UBL3: variants seen among roughly 807,000 people sequenced by gnomAD.
UBL3 encodes ubiquitin-like protein 3.
UBL3 carries 6 observed loss-of-function variants against 18.4 expected under a neutral mutation model. The ratio of observed to expected loss-of-function variants is 0.33; its 90% CI spans 0.18 to 0.64. The LOEUF is 0.64. UBL3 is among the 30% of genes least tolerant of loss of function. The pLI, the probability that UBL3 is intolerant of heterozygous loss-of-function variation, is 0.76. For missense variants in UBL3, 109 were observed against 142.9 expected, an observed-to-expected ratio of 0.76 and a Z score of 1.21; for synonymous variants, 49 against 46.6, an observed-to-expected ratio of 1.05 and a Z score of -0.21.
intron 1 of UBL3, among the ~76,000 whole-genome samples, chr13:29,837,718 C>T (rs1261843968): frequency 6.6e-6 from 1 of 151,884 alleles, no homozygotes; most frequent in Non-Finnish European, 1.5e-5. Context: ...TCACTTGAGG[C>T]CAGGAGTTTG....
intron 2 of UBL3, among the ~76,000 whole-genome samples, chr13:29,776,639 G>A (rs578182194): frequency 8.6e-4 from 130 of 151,966 alleles, no homozygotes; most frequent in African/African-American, 3.1e-3. Context: ...TTGGGAGGCC[G>A]AGGTGGGTGG....
intron 1 of UBL3, among the ~76,000 whole-genome samples, chr13:29,788,615 T>C (rs1313757452): frequency 1.3e-5 from 2 of 152,194 alleles, no homozygotes. Context: ...GCTTGTTTTC[T>C]CTTAGGATTT....
intron 1 of UBL3, among the ~76,000 whole-genome samples, chr13:29,795,252 C>G (rs1275831100): frequency 6.6e-6 from 1 of 152,030 alleles, no homozygotes; most frequent in African/African-American, 2.4e-5. Context: ...GTCCTAAAGG[C>G]TTAACTTGTA....
chr13:29,831,763 G>T (rs1286966126), intron 1 of UBL3, among the ~76,000 whole-genome samples: 1 of 150,808 alleles, frequency 6.6e-6, no homozygotes, highest in Non-Finnish European at 1.5e-5. Flanking sequence ...ATCACAAAAA[G>T]TAAAACAAAA....
At chr13:29,811,654 G>T (rs1474786886) in intron 1 of UBL3, among the ~76,000 whole-genome samples, 1 of 152,048 alleles carries the variant, frequency 6.6e-6, no homozygotes, top group African/African-American at 2.4e-5. Flanking sequence ...CAGCTATCTT[G>T]AAAGTACTGA....
At chr13:29,774,582 A>C (rs1876931616) in intron 2 of UBL3, among the ~76,000 whole-genome samples, 1 of 152,158 alleles carries the variant, frequency 6.6e-6, no homozygotes, top group African/African-American at 2.4e-5. Flanking sequence ...TCTTAGCTAT[A>C]ACCTTTATAG....
chr13:29,776,308 G>A (rs1876991157), intron 2 of UBL3, among the ~76,000 whole-genome samples: 1 of 136,318 alleles, frequency 7.3e-6, no homozygotes, highest in East Asian at 2.1e-4. Context: ...TGTTGCTCAG[G>A]CAGGAATGTA....
At chr13:29,770,491 A>C (rs1354695965) in intron 3 of UBL3, among the ~76,000 whole-genome samples, 1 of 152,108 alleles carries the variant, frequency 6.6e-6, no homozygotes, top group South Asian at 2.1e-4. Flanking sequence ...ATTTTAACAC[A>C]AATTCTATGA....
chr13:29,789,532 AAATGTGTG>A (rs983194135), intron 1 of UBL3, among the ~76,000 whole-genome samples: 5 of 152,266 alleles, frequency 3.3e-5, no homozygotes, highest in African/African-American at 1.2e-4. Flanking sequence ...CTGAACACAC[AAATGTGTG>A]TTAAAAAGGC....
chr13:29,776,493 C>T (rs1282301593), intron 2 of UBL3, among the ~76,000 whole-genome samples: 1 of 151,950 alleles, frequency 6.6e-6, no homozygotes, highest in Non-Finnish European at 1.5e-5. Context: ...ACACTCCTAG[C>T]TTCAAGCAAT....
chr13:29,828,076 T>A (rs1198010334), intron 1 of UBL3, among the ~76,000 whole-genome samples: 4 of 152,224 alleles, frequency 2.6e-5, no homozygotes, highest in Non-Finnish European at 5.9e-5. Flanking sequence ...CTTCCCTTTG[T>A]GGGTAACCCG....
At chr13:29,781,114 G>A (rs1877163741) in intron 1 of UBL3, among the ~76,000 whole-genome samples, 2 of 152,192 alleles carry the variant, frequency 1.3e-5, no homozygotes, top group South Asian at 4.2e-4. Context: ...GGCAGAGGTT[G>A]CAGTGAGCCG....
chr13:29,842,820 AG>A (rs1262292738), intron 1 of UBL3, among the ~76,000 whole-genome samples: 2 of 152,238 alleles, frequency 1.3e-5, no homozygotes, highest in African/African-American at 4.8e-5. Flanking sequence ...CCAGAAAATT[AG>A]CCCTCCTAAA....
intron 3 of UBL3, among the ~76,000 whole-genome samples, chr13:29,770,696 T>C (rs1169832631): frequency 1.3e-5 from 2 of 151,960 alleles, no homozygotes; most frequent in African/African-American, 2.4e-5. Context: ...GTATGAGCCA[T>C]GGAGAATTTT....
At chr13:29,797,557 C>A (rs1386489381) in intron 1 of UBL3, among the ~76,000 whole-genome samples, 1 of 152,142 alleles carries the variant, frequency 6.6e-6, no homozygotes, top group Non-Finnish European at 1.5e-5. Context: ...TTTACCAATT[C>A]ATTTTCAAAT....
intron 1 of UBL3, among the ~76,000 whole-genome samples, chr13:29,835,153 T>TATATATATATATATAAAA (rs1878921728): frequency 3.3e-5 from 1 of 30,498 alleles, no homozygotes; most frequent in Non-Finnish European, 5.9e-5. Flanking sequence ...TATATATATA[T>TATATATATATATATAAAA]ATATATATAT....
At position 29,765,484 on chromosome 13, in the gene UBL3, C is replaced by T. The variant is rs1037069067; in HGVS notation, c.*1771G>A. ...ATCAAAGATACATTGGGAATACTCC[C>T]CAAAACAACAACAGAATATTAATTA... On this transcript the variant is annotated 3_prime_UTR_variant, in exon 5 of 5. Coordinates refer to ENST00000380680, the MANE Select transcript of UBL3 (RefSeq NM_007106.4). 2 of 151,980 alleles carry T rather than the reference C, an allele frequency of 1.3e-5. No homozygotes were observed. Among genetic ancestry groups the T allele is most frequent in the Middle Eastern group, 3.2e-3 (1 of 316 alleles). The allele number at this position is 151,980 out of a possible 1,614,324, so 9.4% of individuals were successfully genotyped here. A position where few individuals can be genotyped will look rare whatever the true frequency, so the allele number is the denominator to read the frequency against.
chr13:29,793,353 C>T (rs1877529655), intron 1 of UBL3, among the ~76,000 whole-genome samples: 1 of 152,136 alleles, frequency 6.6e-6, no homozygotes, highest in Admixed American at 6.5e-5. Context: ...AATTCAAGAA[C>T]TAATGGATCC....
intron 1 of UBL3, among the ~76,000 whole-genome samples, chr13:29,792,797 C>T (rs1264971512): frequency 1.3e-5 from 2 of 152,070 alleles, no homozygotes; most frequent in Non-Finnish European, 2.9e-5. Context: ...ATTGGTATGA[C>T]AAATTATTCA....
Sources: gnomAD v4.1 joint callset for allele counts (sites outside exome capture counted in the v4.1 genomes callset) on GRCh38, gnomAD v4.1.1 for gene constraint, MANE v1.5 for transcripts, NCBI Gene and HGNC (gene_info 2026-07-23, HGNC 2026-07-21) for gene names.